Variants in NTM observed in about 807,000 individuals in gnomAD.
NTM encodes the protein IgLON family member 2.
NTM carries 13 observed loss-of-function variants against 42.1 expected under a neutral mutation model. That is an observed-to-expected ratio of 0.31 (90% CI 0.20 to 0.49). The LOEUF is 0.49. Among genes scored for constraint, NTM ranks in the 20% least tolerant of loss-of-function variants. The pLI, the probability that NTM is intolerant of heterozygous loss-of-function variation, is 0.99. For synonymous variants in NTM, 187 were observed against 179.2 expected, an observed-to-expected ratio of 1.04 and a Z score of -0.35; for missense variants, 373 against 452.8, an observed-to-expected ratio of 0.82 and a Z score of 1.60.
intron 2 of NTM, among the ~76,000 whole-genome samples, chr11:132,010,466 T>G (rs896866357): frequency 6.6e-6 from 1 of 152,188 alleles, no homozygotes; most frequent in Non-Finnish European, 1.5e-5. Context: ...TCCAGTCTGC[T>G]CGGACCTCTG....
chr11:132,214,904 G>T (rs372849266), intron 4 of NTM, among the ~76,000 whole-genome samples: 3 of 152,124 alleles, frequency 2.0e-5, no homozygotes, highest in African/African-American at 7.2e-5. Context: ...TAGTTATCCC[G>T]GATTCAAAAT....
intron 2 of NTM, among the ~76,000 whole-genome samples, chr11:131,931,411 C>A (rs2058587638): frequency 6.6e-6 from 1 of 151,208 alleles, no homozygotes; most frequent in Admixed American, 6.6e-5. Context: ...TGCAGTCCAG[C>A]CTGGGCTACA....
At chr11:131,927,144 G>T (rs2058054744) in intron 2 of NTM, among the ~76,000 whole-genome samples, 1 of 152,184 alleles carries the variant, frequency 6.6e-6, no homozygotes, top group South Asian at 2.1e-4. Context: ...AACCTACACA[G>T]TGTGTATGCT....
At chr11:131,815,436 C>T (rs1012491257) in intron 1 of NTM, among the ~76,000 whole-genome samples, 1 of 152,190 alleles carries the variant, frequency 6.6e-6, no homozygotes, top group African/African-American at 2.4e-5. Context: ...AGAGCAGGCA[C>T]CATCCCTCCT....
chr11:131,763,707 C>CTTTTTTTTTTTTTTTTTTT (rs1443279848), intron 1 of NTM, among the ~76,000 whole-genome samples: 6 of 60,764 alleles, frequency 9.9e-5, no homozygotes, highest in African/African-American at 2.6e-4. Context: ...CCATCTCTCT[C>CTTTTTTTTTTTTTTTTTTT]TCTTTTTTTT....
At chr11:132,008,759 C>G (rs1019017888) in intron 2 of NTM, among the ~76,000 whole-genome samples, 21 of 152,028 alleles carry the variant, frequency 1.4e-4, no homozygotes, top group African/African-American at 4.8e-4. Context: ...TCCTTTCTGT[C>G]TTGCCACATC....
intron 4 of NTM, among the ~76,000 whole-genome samples, chr11:132,275,543 AC>A (rs2093672115): frequency 6.6e-6 from 1 of 151,268 alleles, no homozygotes; most frequent in South Asian, 2.1e-4. Context: ...CATTCTGCAT[AC>A]TTCGCTTTTC....
chr11:131,466,608 T>C (rs926808446), intron 1 of NTM, among the ~76,000 whole-genome samples: 2 of 152,196 alleles, frequency 1.3e-5, no homozygotes, highest in African/African-American at 4.8e-5. Flanking sequence ...CTCCCTAGCA[T>C]GTTATGCCGC....
intron 1 of NTM, among the ~76,000 whole-genome samples, chr11:131,391,644 G>GGAAAAAAAAAAA (rs1565455663): frequency 1.2e-5 from 1 of 81,558 alleles, no homozygotes; most frequent in African/African-American, 4.6e-5. Flanking sequence ...TTTTATCTGG[G>GGAAAAAAAAAAA]AAAAAAAAAA....
At chr11:131,414,926 A>C (rs548938074) in intron 1 of NTM, among the ~76,000 whole-genome samples, 2 of 152,276 alleles carry the variant, frequency 1.3e-5, no homozygotes, top group African/African-American at 4.8e-5. Flanking sequence ...CAAATTGTGC[A>C]TCCCTAAGCC....
intron 2 of NTM, among the ~76,000 whole-genome samples, chr11:132,053,995 C>A (rs2135948035): frequency 6.6e-6 from 1 of 152,304 alleles, no homozygotes; most frequent in Admixed American, 6.5e-5. Flanking sequence ...GTGGGCGGAT[C>A]TCTTGAGCCC....
intron 1 of NTM, among the ~76,000 whole-genome samples, chr11:131,470,481 G>T (rs77062977): frequency 6.6e-6 from 1 of 152,112 alleles, no homozygotes; most frequent in Non-Finnish European, 1.5e-5. Context: ...AATTAATCTT[G>T]TCTCCTCTAG....
chr11:132,221,057 G>A (rs989805036), intron 4 of NTM, among the ~76,000 whole-genome samples: 2 of 152,092 alleles, frequency 1.3e-5, no homozygotes, highest in African/African-American at 4.8e-5. Flanking sequence ...AGGACCCTCC[G>A]AGCACTGCCA....
chr11:132,272,982 A>G (rs1468613403), intron 4 of NTM, among the ~76,000 whole-genome samples: 1 of 152,058 alleles, frequency 6.6e-6, no homozygotes, highest in Non-Finnish European at 1.5e-5. Context: ...ACTAAGTATA[A>G]TGTTAGCTTT....
At chr11:132,331,886 G>A (rs2095807180) in intron 8 of NTM, among the ~76,000 whole-genome samples, 1 of 152,136 alleles carries the variant, frequency 6.6e-6, no homozygotes, top group African/African-American at 2.4e-5. Flanking sequence ...GCCCCTGTGT[G>A]CTCACATGTG....
At chr11:132,085,659 C>A (rs1204435011) in intron 2 of NTM, among the ~76,000 whole-genome samples, 1 of 152,120 alleles carries the variant, frequency 6.6e-6, no homozygotes, top group Non-Finnish European at 1.5e-5. Context: ...ACTTATTTTT[C>A]TTTAGACCAA....
chr11:131,755,647 A>G (rs1591628399), intron 1 of NTM, among the ~76,000 whole-genome samples: 1 of 152,288 alleles, frequency 6.6e-6, no homozygotes, highest in South Asian at 2.1e-4. Flanking sequence ...AGCATGGTGT[A>G]TTATCACCAG....
intron 2 of NTM, 127 bp downstream of exon 2, chr11:131,911,775 C>T: frequency 1.7e-6 from 2 of 1,158,064 alleles, no homozygotes; most frequent in Non-Finnish European, 2.5e-6. Flanking sequence ...CTGGGCTGCA[C>T]AATTTATGGC....
chr11:131,550,890 T>A (rs2054575647), intron 1 of NTM, among the ~76,000 whole-genome samples: 1 of 152,208 alleles, frequency 6.6e-6, no homozygotes, highest in South Asian at 2.1e-4. Context: ...CTGCCTCTTT[T>A]CTACACGAAG....
Sources: allele counts gnomAD v4.1 joint callset (sites outside exome capture counted in the v4.1 genomes callset), GRCh38; gene constraint gnomAD v4.1.1; transcripts MANE v1.5; gene names NCBI Gene and HGNC (gene_info 2026-07-23, HGNC 2026-07-21).